EPHB2: variants seen among roughly 807,000 people sequenced by gnomAD.
EPHB2 encodes the protein EPH receptor B2.
Under a neutral mutation model 96.4 loss-of-function variants are expected in EPHB2, and 18 were observed. The observed-to-expected ratio is 0.19, with a 90% confidence interval of 0.13 to 0.28. The LOEUF (loss-of-function observed/expected upper bound fraction) is 0.28. Among genes scored for constraint, EPHB2 ranks in the 10% least tolerant of loss-of-function variants. The probability of loss-of-function intolerance (pLI) is 1.00; values close to 1 mark genes in which losing one functional copy is unlikely to be tolerated. For synonymous variants in EPHB2, 506 were observed against 534.1 expected, an observed-to-expected ratio of 0.95 and a Z score of 0.72; for missense variants, 989 against 1,355.4, an observed-to-expected ratio of 0.73 and a Z score of 4.25.
At chr1:22,787,411 G>A (rs1181097529) in intron 3 of EPHB2, among the ~76,000 whole-genome samples, 1 of 152,118 alleles carries the variant, frequency 6.6e-6, no homozygotes, top group African/African-American at 2.4e-5. Context: ...TGACAGGCGG[G>A]GTGTTCAGAT....
chr1:22,711,062 G>T lies in EPHB2; in HGVS notation c.61+19G>T. 1 of 148,212 alleles carries T rather than the reference G, an allele frequency of 6.7e-6. No homozygotes were observed. Among genetic ancestry groups the T allele is most frequent in the South Asian group, 1.8e-4 (1 of 5,636 alleles). The allele number at this position is 148,212 out of a possible 1,614,324, so 9.2% of individuals were successfully genotyped here. ...GTGGAAGGTGAGCGAGCGGGCGGGC[G>T]GGCGGGCGATGGGGGCGGGGAGCGG... On this transcript the variant is annotated intron_variant, in intron 1 of 15. Transcript: ENST00000374630.
intron 1 of EPHB2, among the ~76,000 whole-genome samples, chr1:22,779,964 C>G (rs1489571513): frequency 6.6e-6 from 1 of 152,156 alleles, no homozygotes; most frequent in Non-Finnish European, 1.5e-5. Context: ...GGTCTCTCCC[C>G]CTACTCTCTC....
intron 3 of EPHB2, among the ~76,000 whole-genome samples, chr1:22,806,667 C>G (rs572921869): frequency 9.8e-5 from 15 of 152,364 alleles, no homozygotes; most frequent in Admixed American, 7.8e-4. Flanking sequence ...TTAGCTGTGC[C>G]CTCCACAGGG....
chr1:22,815,225 C>G (rs563927779), intron 3 of EPHB2, among the ~76,000 whole-genome samples: 1 of 152,046 alleles, frequency 6.6e-6, no homozygotes, highest in Admixed American at 6.5e-5. Context: ...CTTAGCCCGC[C>G]GCCCTTGGAA....
intron 3 of EPHB2, chr1:22,836,812 G>T (rs1035571756): frequency 6.6e-6 from 1 of 152,346 alleles, no homozygotes; most frequent in African/African-American, 2.4e-5. Flanking sequence ...ACAAAGCTGT[G>T]GTGGGCACCT....
intron 9 of EPHB2, 55 bp from the exon 10 acceptor site, chr1:22,905,932 T>C: frequency 1.2e-6 from 2 of 1,613,422 alleles, no homozygotes; most frequent in Non-Finnish European, 1.7e-6. Context: ...CCGCTTTTCC[T>C]TTTTGTGTGC....
Position 22,918,383 on chromosome 1 carries a change from C to T in EPHB2, c.*4813C>T, listed in dbSNP as rs1361708568. ...GTGGGGTGGGGAGAAAGCTGCCAGACACCAAAGGAGCTGAGCCTGGCGGGG... is the reference window on the plus strand; with the variant it reads ...GTGGGGTGGGGAGAAAGCTGCCAGATACCAAAGGAGCTGAGCCTGGCGGGG... On this transcript the variant is annotated 3_prime_UTR_variant, in exon 16 of 16. Transcript: ENST00000374630. This position sits in a 1 kb window ranked among gnomAD's most constrained non-coding sequence, Gnocchi z 4.2. 2 of 151,982 alleles carry T rather than the reference C, an allele frequency of 1.3e-5. No individual in the cohort carries two copies. Among genetic ancestry groups the T allele is most frequent in the Non-Finnish European group, 2.9e-5 (2 of 68,000 alleles). 9.4% of individuals were successfully genotyped at this position (151,982 alleles called of 1,614,324 possible). A position where few individuals can be genotyped will look rare whatever the true frequency, so the allele number is the denominator to read the frequency against.
chr1:22,811,821 G>A (rs907437286), intron 3 of EPHB2, among the ~76,000 whole-genome samples: 6 of 152,266 alleles, frequency 3.9e-5, no homozygotes, highest in South Asian at 2.1e-4. Flanking sequence ...GGAGGATCGT[G>A]TGAGTCCCAG....
chr1:22,748,631 C>T (rs1170801637), intron 1 of EPHB2, among the ~76,000 whole-genome samples: 3 of 151,634 alleles, frequency 2.0e-5, no homozygotes, highest in Admixed American at 6.6e-5. Context: ...CTGCCCACCT[C>T]GGCCTCCCAA....
At chr1:22,713,883 C>T (rs895328437) in intron 1 of EPHB2, among the ~76,000 whole-genome samples, 2 of 152,146 alleles carry the variant, frequency 1.3e-5, no homozygotes, top group African/African-American at 4.8e-5. Context: ...GCATCTCCCC[C>T]AAACTGTGAG....
chr1:22,746,675 T>C (rs958580066), intron 1 of EPHB2, among the ~76,000 whole-genome samples: 1 of 152,204 alleles, frequency 6.6e-6, no homozygotes, highest in Non-Finnish European at 1.5e-5. Context: ...GGCCCTCCAA[T>C]ACACATCTCT....
At chr1:22,804,126 A>G (rs942099151) in intron 3 of EPHB2, among the ~76,000 whole-genome samples, 4 of 152,182 alleles carry the variant, frequency 2.6e-5, no homozygotes, top group Non-Finnish European at 4.4e-5. Context: ...AGAGCACATT[A>G]ATGGAACTGC....
At chr1:22,802,392 T>C (rs984922714) in intron 3 of EPHB2, among the ~76,000 whole-genome samples, 2 of 151,994 alleles carry the variant, frequency 1.3e-5, no homozygotes, top group Non-Finnish European at 2.9e-5. Context: ...AAACACTTTA[T>C]GTATGATGGA....
intron 12 of EPHB2, 22 bp downstream of exon 12, chr1:22,908,190 C>A (rs374703367): frequency 1.2e-6 from 2 of 1,613,584 alleles, no homozygotes; most frequent in African/African-American, 1.3e-5. Flanking sequence ...GCAGGGAACA[C>A]CGGAGTCACA....
intron 6 of EPHB2, among the ~76,000 whole-genome samples, chr1:22,886,620 CTTTT>C (rs869229952): frequency 1.0e-5 from 1 of 96,134 alleles, no homozygotes; most frequent in Non-Finnish European, 2.1e-5. Context: ...CCAGCAGAGT[CTTTT>C]TTTTTTTTTT....
chr1:22,796,308 G>A (rs575428949), intron 3 of EPHB2, among the ~76,000 whole-genome samples: 1 of 152,224 alleles, frequency 6.6e-6, no homozygotes, highest in African/African-American at 2.4e-5. Context: ...TATCCTGCGG[G>A]GTGGGCTGGC....
At chr1:22,787,806 G>C (rs529340436) in intron 3 of EPHB2, among the ~76,000 whole-genome samples, 17 of 152,300 alleles carry the variant, frequency 1.1e-4, no homozygotes, top group Admixed American at 1.0e-3. Context: ...GTGTGGTTTA[G>C]CTGGGTTCTT....
intron 6 of EPHB2, chr1:22,882,924 A>C (rs929900478): frequency 8.0e-6 from 2 of 249,942 alleles, no homozygotes; most frequent in African/African-American, 4.5e-5. Context: ...GAGTCCTGCT[A>C]AAACACCCAC....
intron 1 of EPHB2, among the ~76,000 whole-genome samples, chr1:22,716,038 T>A (rs1219645819): frequency 6.6e-6 from 1 of 152,114 alleles, no homozygotes; most frequent in Non-Finnish European, 1.5e-5. Context: ...CTTCAGTGTC[T>A]CCCCTAACCC....
Sources: gnomAD v4.1 joint callset for allele counts (sites outside exome capture counted in the v4.1 genomes callset) on GRCh38, gnomAD v4.1.1 for gene constraint, Gnocchi (gnomAD v3.1) non-coding constraint, MANE v1.5 for transcripts, NCBI Gene and HGNC (gene_info 2026-07-23, HGNC 2026-07-21) for gene names.